SDK2: variants seen among roughly 807,000 people sequenced by gnomAD.
SDK2 encodes the protein protein sidekick-2.
A neutral mutation model predicts 253.9 loss-of-function variants in SDK2; 105 were observed. That is an observed-to-expected ratio of 0.41 (90% CI 0.35 to 0.49). SDK2 has a LOEUF of 0.49. Among genes scored for constraint, SDK2 ranks in the 20% least tolerant of loss-of-function variants. The pLI is 0.06. For missense variants in SDK2, 2,608 were observed against 3,003.0 expected (o/e 0.87, Z 3.07); for synonymous variants, 1,249 against 1,234.9 (o/e 1.01, Z -0.24).
intron 29 of SDK2, among the ~76,000 whole-genome samples, chr17:73,388,796 CTCCT>C (rs200670674): frequency 0.013 from 768 of 59,526 alleles, 26 homozygotes; most frequent in East Asian, 0.099. Context: ...CCTTCCCTCC[CTCCT>C]TCCTTCCTTC....
chr17:73,365,293 T>C lies in SDK2; in HGVS notation c.5270A>G (p.Tyr1757Cys). The change falls in exon 38 of 45, where the codon TAC (tyrosine) becomes TGC (cysteine). Residue 1757 changes from tyrosine to cysteine, a missense_variant. Physicochemically the swap from Tyr to Cys is radical, Grantham distance 194. Transcript: ENST00000392650. Reference protein sequence around the residue: ...PQFPNGILEGYRLVYEPCSPV... With the variant: ...PQFPNGILEGCRLVYEPCSPV... The stretch of plus-strand genomic sequence containing the variant: ...GCTGCAGGGCTCGTACACCAGCCTG[T>C]AGCCCTCCAGGATGCCATTGGGGAA... 1 of 1,613,136 alleles carries C rather than the reference T, an allele frequency of 6.2e-7. No homozygotes were observed. The highest frequency in any genetic ancestry group is 8.5e-7 in the Non-Finnish European group (1 of 1,179,512).
rs1350224579 is a variant in SDK2 at position 73,455,443 on chromosome 17, C to T, written c.479+463G>A. Among the ~76,000 whole-genome samples, 3 of 152,092 alleles carry T rather than the reference C, an allele frequency of 2.0e-5. No individual in the cohort carries two copies. The highest frequency in any genetic ancestry group is 2.1e-4 in the South Asian group (1 of 4,808). ...AGGGCTTCCCTGGCCACACCTCCGC[C>T]GCACAGCCAAGACACACACAGCCCT... On this transcript the variant is annotated intron_variant, in intron 4 of 44. Coordinates refer to ENST00000392650, the MANE Select transcript of SDK2 (RefSeq NM_001144952.2). This position sits in a 1 kb window ranked among gnomAD's most constrained non-coding sequence, Gnocchi z 5.0.
chr17:73,420,636 C>G (rs573406209), intron 15 of SDK2, among the ~76,000 whole-genome samples: 1 of 150,810 alleles, frequency 6.6e-6, no homozygotes, highest in South Asian at 2.1e-4. Flanking sequence ...TGGCCCGCTC[C>G]TGTGTTTTTG....
At position 73,618,420 on chromosome 17, in the gene SDK2, C is replaced by T. The variant is rs2046087371; in HGVS notation, c.64+25605G>A. On this transcript the variant is annotated intron_variant, in intron 1 of 44. Transcript: ENST00000392650. The surrounding 1 kb of genome is among the most constrained non-coding windows in gnomAD (Gnocchi z 4.1). ...CAGGGAGGCAGTGGTCGGCCAAGCC[C>T]AAGGGCTATGGAGCCACAAGGATTC... Among the ~76,000 whole-genome samples, 1 of 152,328 alleles carries T rather than the reference C, an allele frequency of 6.6e-6. No homozygotes were observed. Among genetic ancestry groups the T allele is most frequent in the East Asian group, 1.9e-4 (1 of 5,180 alleles).
intron 1 of SDK2, chr17:73,516,632 T>A (rs1423232262): frequency 6.6e-6 from 1 of 152,382 alleles, no homozygotes; most frequent in Middle Eastern, 3.1e-3. Context: ...GCCCCGGTGC[T>A]GCCTGCATGC....
chr17:73,415,741 G>A lies in SDK2; in HGVS notation c.2368+70C>T, dbSNP rs1421070911. On this transcript the variant is annotated intron_variant, in intron 17 of 44. Coordinates refer to ENST00000392650, the MANE Select transcript of SDK2 (RefSeq NM_001144952.2). Reference sequence around the variant, plus strand: ...TGGGCTTGAGCAATCCTCCCGTCTTGGCGTCCCAAAGTGCTAGGATTACAC... The same window carrying A: ...TGGGCTTGAGCAATCCTCCCGTCTTAGCGTCCCAAAGTGCTAGGATTACAC... The A allele has an allele frequency of 2.2e-6, 3 of 1,354,254 alleles. No homozygotes were observed. The East Asian group carries it at 7.6e-5, about 34-fold the overall frequency. 83.9% of individuals were successfully genotyped at this position (1,354,254 alleles called of 1,614,324 possible). A position where few individuals can be genotyped will look rare whatever the true frequency, so the allele number is the denominator to read the frequency against.
At chr17:73,505,701 ATCAATAGCTGGACCTCATCATCG>A (rs1567811815) in intron 2 of SDK2, among the ~76,000 whole-genome samples, 5 of 147,142 alleles carry the variant, frequency 3.4e-5, no homozygotes, top group African/African-American at 1.1e-4. Flanking sequence ...CATCATCATC[ATCAATAGCTGGACCTCATCATCG>A]TCAATAGCTG....
intron 1 of SDK2, among the ~76,000 whole-genome samples, chr17:73,623,736 T>C (rs912157064): frequency 1.3e-5 from 2 of 152,050 alleles, no homozygotes; most frequent in Admixed American, 1.3e-4. Flanking sequence ...CCCGACTCTC[T>C]CTGCTTCTTC....
chr17:73,453,052 TCTG>T (rs2063499774), intron 4 of SDK2, among the ~76,000 whole-genome samples: 2 of 152,230 alleles, frequency 1.3e-5, no homozygotes, highest in African/African-American at 4.8e-5. Flanking sequence ...TTCACCCTGC[TCTG>T]TATCCACACT....
intron 37 of SDK2, among the ~76,000 whole-genome samples, chr17:73,366,455 G>C (rs2062686399): frequency 6.6e-6 from 1 of 152,190 alleles, no homozygotes; most frequent in South Asian, 2.1e-4. Context: ...CTTGTCCCCA[G>C]AGAGGGTCAT....
intron 2 of SDK2, among the ~76,000 whole-genome samples, chr17:73,490,339 G>A (rs2063797144): frequency 6.6e-6 from 1 of 152,144 alleles, no homozygotes; most frequent in Non-Finnish European, 1.5e-5. Context: ...AAACTACTCG[G>A]CTTTGCTCTG....
chr17:73,507,329 G>A, intron 2 of SDK2, 109 bp downstream of exon 2: 2 of 1,207,206 alleles, frequency 1.7e-6, no homozygotes, highest in South Asian at 1.6e-5. Context: ...CCAGGCTCTA[G>A]GAGCCCTGAG....
chr17:73,365,657 C>T (rs945121084), intron 37 of SDK2, among the ~76,000 whole-genome samples: 10 of 152,032 alleles, frequency 6.6e-5, no homozygotes, highest in Admixed American at 6.6e-4. Flanking sequence ...AGAATTCAGG[C>T]TTCTCCCTGC....
At chr17:73,472,489 C>T (rs1221082558) in intron 2 of SDK2, among the ~76,000 whole-genome samples, 1 of 152,212 alleles carries the variant, frequency 6.6e-6, no homozygotes, top group East Asian at 1.9e-4. Flanking sequence ...CACCCGAATC[C>T]TTGACCCTGA....
At chr17:73,434,451 A>G (rs773268475) in intron 9 of SDK2, among the ~76,000 whole-genome samples, 5 of 152,190 alleles carry the variant, frequency 3.3e-5, no homozygotes, top group Non-Finnish European at 7.3e-5. Context: ...GCCCCTTGGT[A>G]GCCACCTTTG....
At chr17:73,560,867 C>T (rs976046119) in intron 1 of SDK2, among the ~76,000 whole-genome samples, 5 of 152,182 alleles carry the variant, frequency 3.3e-5, no homozygotes, top group African/African-American at 4.8e-5. Context: ...ACAGGCTCCT[C>T]GACCAGTGGG....
intron 1 of SDK2, among the ~76,000 whole-genome samples, chr17:73,510,685 G>T (rs556283302): frequency 6.6e-6 from 1 of 152,116 alleles, no homozygotes; most frequent in South Asian, 2.1e-4. Flanking sequence ...GTAGAGATGG[G>T]GTTTCACCAT....
chr17:73,454,326 G>C (rs2063508160), intron 4 of SDK2, among the ~76,000 whole-genome samples: 3 of 152,218 alleles, frequency 2.0e-5, no homozygotes, highest in African/African-American at 4.8e-5. Flanking sequence ...CTGTGAACCT[G>C]TTTTCAGGCA....
intron 20 of SDK2, 105 bp from the exon 21 acceptor site, chr17:73,401,316 G>A (rs1487020104): frequency 3.6e-6 from 4 of 1,105,728 alleles, no homozygotes; most frequent in South Asian, 3.1e-5. Context: ...TTAGATCCAC[G>A]CTGGGAGCAA....
Sources: gnomAD v4.1 joint callset for allele counts (sites outside exome capture counted in the v4.1 genomes callset) on GRCh38, gnomAD v4.1.1 for gene constraint, Gnocchi (gnomAD v3.1) non-coding constraint, MANE v1.5 for transcripts, NCBI Gene and HGNC (gene_info 2026-07-23, HGNC 2026-07-21) for gene names.